The following LAPTM4B variants were observed in gnomAD, a reference collection of about 807,000 sequenced individuals.
LAPTM4B encodes the protein lysosomal-associated transmembrane protein 4B.
Under a neutral mutation model 28.5 loss-of-function variants are expected in LAPTM4B, and 26 were observed. The ratio of observed to expected loss-of-function variants is 0.91; its 90% CI spans 0.67 to 1.27. The LOEUF (loss-of-function observed/expected upper bound fraction) is 1.27. Among genes scored for constraint, LAPTM4B ranks in the 50% most tolerant of loss-of-function variants. The pLI is 0.00. For missense variants in LAPTM4B, 288 were observed against 285.8 expected, an observed-to-expected ratio of 1.01 and a Z score of -0.06; for synonymous variants, 109 against 106.4, an observed-to-expected ratio of 1.02 and a Z score of -0.15.
chr8:97,806,087 C>T (rs1816752939), intron 2 of LAPTM4B, among the ~76,000 whole-genome samples: 2 of 152,126 alleles, frequency 1.3e-5, no homozygotes, highest in African/African-American at 2.4e-5. Context: ...CTTCGGAGAA[C>T]TTCAAGTGAG....
At chr8:97,828,542 T>C (rs1028091228) in intron 6 of LAPTM4B, among the ~76,000 whole-genome samples, 1 of 152,136 alleles carries the variant, frequency 6.6e-6, no homozygotes, top group African/African-American at 2.4e-5. Context: ...TCTGCCTGAT[T>C]AGTGAGTTTT....
At position 97,823,369 on chromosome 8, in the gene LAPTM4B, TG is replaced by T. The variant is rs1308718023; in HGVS notation, c.508-1688del. Among the ~76,000 whole-genome samples the T allele has an allele frequency of 4.2e-3, 597 of 141,092 alleles. 5 individuals carry two copies. Among genetic ancestry groups the T allele is most frequent in the African/African-American group, 0.014 (543 of 38,242 alleles). The allele number at this position is 141,092 out of a possible 152,430, so 92.6% of individuals were successfully genotyped here. ...GTTTTTTTTTTTGTTTTTTTTTTGT[TG>T]TTGTTGTTGTTGTTGTTTTTTTGAG... On this transcript the variant is annotated intron_variant, in intron 5 of 6. Coordinates refer to ENST00000521545, the MANE Select transcript of LAPTM4B (RefSeq NM_018407.6).
intron 2 of LAPTM4B, among the ~76,000 whole-genome samples, chr8:97,809,655 G>T (rs1816799009): frequency 6.6e-6 from 1 of 152,030 alleles, no homozygotes; most frequent in Non-Finnish European, 1.5e-5. Context: ...AGCCAAGATT[G>T]TGTCACTGCA....
At chr8:97,816,634 A>T (rs2129793701) in intron 4 of LAPTM4B, among the ~76,000 whole-genome samples, 1 of 152,316 alleles carries the variant, frequency 6.6e-6, no homozygotes, top group South Asian at 2.1e-4. Flanking sequence ...GATTGGTGGC[A>T]GTGATGGTGG....
rs1156538804 is a variant in LAPTM4B, at chr8:97,806,924, C to G, written c.211+1460C>G. ...AGTGAGCCGAGATCGCGCCAGTGCA[C>G]TTCAGCCTGGGCAACAGGTCACTTT... is the stretch of plus-strand genomic sequence containing the variant. On this transcript the variant is annotated intron_variant, in intron 2 of 6. Coordinates refer to ENST00000521545, the MANE Select transcript of LAPTM4B (RefSeq NM_018407.6). 5.3e-5 allele frequency among the ~76,000 whole-genome samples: 8 copies of G among 152,288 alleles called. No homozygotes were observed. The East Asian group carries it at 1.5e-3, about 29-fold the overall frequency.
At chr8:97,849,434 C>A (rs529603800) in intron 6 of LAPTM4B, among the ~76,000 whole-genome samples, 5 of 152,292 alleles carry the variant, frequency 3.3e-5, no homozygotes, top group African/African-American at 1.2e-4. Context: ...TCCTGCTGTG[C>A]TTCCTTACCT....
intron 2 of LAPTM4B, among the ~76,000 whole-genome samples, chr8:97,812,420 T>G (rs1241933996): frequency 6.6e-6 from 1 of 152,068 alleles, no homozygotes; most frequent in Admixed American, 6.6e-5. Flanking sequence ...TTGGACAGTC[T>G]GTTCTTGAAC....
chr8:97,847,308 C>T (rs1423204204), intron 6 of LAPTM4B, among the ~76,000 whole-genome samples: 1 of 152,164 alleles, frequency 6.6e-6, no homozygotes, highest in Non-Finnish European at 1.5e-5. Context: ...CTAAAGCAGT[C>T]TGTGGTTGCG....
At chr8:97,850,467 T>G (rs112662684) in intron 6 of LAPTM4B, among the ~76,000 whole-genome samples, 5 of 133,986 alleles carry the variant, frequency 3.7e-5, no homozygotes, top group South Asian at 2.2e-4. Context: ...AGAGGAGGGG[T>G]GTGTGTGTGT....
Position 97,776,061 on chromosome 8 carries a change from T to C in LAPTM4B, c.52T>C (p.Cys18Arg). 6.3e-7 allele frequency: 1 copy of C among 1,588,588 alleles called. No homozygotes were observed. The highest frequency in any genetic ancestry group is 1.7e-5 in the Admixed American group (1 of 58,764). ...GTTCTACTCCAACAGCTGCTGCTTG[T>C]GCTGCCATGTCCGCACCGGCACCAT... ...TRFYSNSCCL[C>R]CHVRTGTILL... Residue 18 changes from cysteine to arginine, a missense_variant, in exon 1 of 7, where the codon TGC (cysteine) becomes CGC (arginine). Coordinates refer to ENST00000521545, the MANE Select transcript of LAPTM4B (RefSeq NM_018407.6).
rs183537008 is a variant in LAPTM4B, at chr8:97,824,367, G to T, written c.508-691G>T. Among the ~76,000 whole-genome samples, 8 of 152,116 alleles carry T rather than the reference G, an allele frequency of 5.3e-5. No homozygotes were observed. The East Asian group carries it at 1.5e-3, about 29-fold the overall frequency. ...TGTGTTTAAACTTCTTTTAATCAAA[G>T]AATTTTAATGTTAAGGGATTTTGAA... is the stretch of plus-strand genomic sequence containing the variant. On this transcript the variant is annotated intron_variant, in intron 5 of 6. Coordinates refer to ENST00000521545, the MANE Select transcript of LAPTM4B (RefSeq NM_018407.6).
intron 6 of LAPTM4B, among the ~76,000 whole-genome samples, chr8:97,844,857 A>G (rs1397319071): frequency 6.6e-6 from 1 of 152,164 alleles, no homozygotes; most frequent in Non-Finnish European, 1.5e-5. Context: ...CTTCCCCATG[A>G]TGACTGACTT....
chr8:97,841,105 G>A (rs563169533), intron 6 of LAPTM4B, among the ~76,000 whole-genome samples: 1 of 146,270 alleles, frequency 6.8e-6, no homozygotes, highest in East Asian at 2.1e-4. Context: ...CATCCCAGAT[G>A]GGGCAGCAGC....
At chr8:97,800,047 C>T (rs567172632) in intron 1 of LAPTM4B, among the ~76,000 whole-genome samples, 38 of 152,158 alleles carry the variant, frequency 2.5e-4, no homozygotes, top group Non-Finnish European at 1.2e-4. Flanking sequence ...GATTCTTTCT[C>T]GGAGCTCTTG....
At chr8:97,816,316 C>G (rs953169438) in intron 4 of LAPTM4B, 136 bp downstream of exon 4, 1 of 725,666 alleles carries the variant, frequency 1.4e-6, no homozygotes, top group Non-Finnish European at 2.1e-6. Flanking sequence ...TAGGAAATTT[C>G]TTTTTTCTTT....
intron 6 of LAPTM4B, among the ~76,000 whole-genome samples, chr8:97,847,933 A>C (rs948176107): frequency 5.9e-5 from 9 of 152,232 alleles, no homozygotes; most frequent in African/African-American, 2.2e-4. Context: ...TTAAGGGTCC[A>C]AGGCAATAGA....
At chr8:97,782,333 G>T (rs1816334808) in intron 1 of LAPTM4B, among the ~76,000 whole-genome samples, 1 of 109,852 alleles carries the variant, frequency 9.1e-6, no homozygotes, top group Non-Finnish European at 1.7e-5. Context: ...CTATTGCCCA[G>T]GCTGGAGTGG....
intron 1 of LAPTM4B, among the ~76,000 whole-genome samples, chr8:97,789,036 CTCTT>C (rs1563602148): frequency 2.2e-5 from 3 of 138,312 alleles, no homozygotes; most frequent in Non-Finnish European, 4.6e-5. Context: ...TTGGTGCTCA[CTCTT>C]TATTTATTTA....
At chr8:97,847,550 G>A (rs16896337) in intron 6 of LAPTM4B, among the ~76,000 whole-genome samples, 25,799 of 152,164 alleles carry the variant, frequency 0.17, 2,288 homozygotes, top group East Asian at 0.23. Context: ...ATGGCATCTT[G>A]ATGGGCACAT....
Sources: allele counts gnomAD v4.1 joint callset (sites outside exome capture counted in the v4.1 genomes callset), GRCh38; gene constraint gnomAD v4.1.1; transcripts MANE v1.5; gene names NCBI Gene and HGNC (gene_info 2026-07-23, HGNC 2026-07-21).